SYNE1: variants seen among roughly 807,000 people sequenced by gnomAD.
SYNE1 encodes nesprin-1.
Under a neutral mutation model 1,111.0 loss-of-function variants are expected in SYNE1, and 616 were observed. The observed-to-expected ratio is 0.55, with a 90% CI of 0.52 to 0.59. SYNE1 has a LOEUF of 0.59. SYNE1 is among the 20% of genes least tolerant of loss of function. SYNE1 has a pLI of 0.00. For missense variants in SYNE1, 10,006 were observed against 10,417.0 expected (o/e 0.96, Z 1.72); for synonymous variants, 3,855 against 3,825.8 (o/e 1.01, Z -0.28).
chr6:152,136,536 A>T, intron 141 of SYNE1, 82 bp downstream of exon 141: 1 of 1,561,444 alleles, frequency 6.4e-7, no homozygotes, highest in Non-Finnish European at 8.7e-7. Context: ...TCCCTCTAGA[A>T]ACCATGATAC....
intron 145 of SYNE1, chr6:152,129,456 G>C (rs1374975913): frequency 2.0e-5 from 3 of 152,022 alleles, no homozygotes; most frequent in Non-Finnish European, 4.4e-5. Flanking sequence ...TACTTATAGG[G>C]GGCTGAGCAA....
chr6:152,274,075 T>C (rs2093412991), intron 98 of SYNE1, among the ~76,000 whole-genome samples: 1 of 152,196 alleles, frequency 6.6e-6, no homozygotes, highest in South Asian at 2.1e-4. Context: ...CCACTGAAAA[T>C]AGAAGAAAGC....
intron 127 of SYNE1, among the ~76,000 whole-genome samples, chr6:152,189,713 A>C (rs1240479638): frequency 6.6e-6 from 1 of 152,250 alleles, no homozygotes; most frequent in Non-Finnish European, 1.5e-5. Flanking sequence ...CAATGTACAT[A>C]CCTTAATTTA....
chr6:152,216,151 T>A (rs186015127), intron 121 of SYNE1, among the ~76,000 whole-genome samples: 14 of 152,222 alleles, frequency 9.2e-5, no homozygotes, highest in Middle Eastern at 3.2e-3. Flanking sequence ...AAAAGACTCA[T>A]GTTTTTTGAA....
intron 19 of SYNE1, among the ~76,000 whole-genome samples, 175 bp downstream of exon 19, chr6:152,463,178 C>G (rs1179733328): frequency 6.6e-6 from 1 of 152,104 alleles, no homozygotes; most frequent in Admixed American, 6.6e-5. Context: ...TGTAATATTC[C>G]TCCATTATAC....
chr6:152,156,168 T>A, intron 131 of SYNE1, 71 bp from the exon 132 acceptor site: 1 of 1,493,168 alleles, frequency 6.7e-7, no homozygotes, highest in South Asian at 1.1e-5. Flanking sequence ...AAGCAACCTA[T>A]GTTGGTAAAT....
At chr6:152,234,989 C>T (rs1000311773) in intron 110 of SYNE1, among the ~76,000 whole-genome samples, 189 bp from the exon 111 acceptor site, 16 of 152,222 alleles carry the variant, frequency 1.1e-4, no homozygotes, top group South Asian at 2.1e-4. Flanking sequence ...TCTGGGTTTC[C>T]GCTGGCCTGT....
chr6:152,403,084 C>A lies in SYNE1; in HGVS notation c.6825+1129G>T, dbSNP rs551564979. ...AGATTGATTGCTTAGCCCAAAGTAGCAAATCAAAGAGAAAGCACAAGAAGA... is the reference window on the plus strand; with the variant it reads ...AGATTGATTGCTTAGCCCAAAGTAGAAAATCAAAGAGAAAGCACAAGAAGA... On this transcript the variant is annotated intron_variant, in intron 46 of 145. Transcript: ENST00000367255. 2.0e-5 allele frequency among the ~76,000 whole-genome samples: 3 copies of A among 152,044 alleles called. No individual in the cohort carries two copies. The South Asian group carries it at 6.3e-4, about 32-fold the overall frequency.
At chr6:152,351,566 T>C (rs2154035041) in intron 70 of SYNE1, among the ~76,000 whole-genome samples, 1 of 152,352 alleles carries the variant, frequency 6.6e-6, no homozygotes, top group Middle Eastern at 3.4e-3. Flanking sequence ...CTAAGGAACT[T>C]AGCTCGAGTT....
Position 152,376,571 on chromosome 6 carries a change from C to A in SYNE1, c.9147-13G>T, listed in dbSNP as rs214955. ...TTGCAAACAAAGACTGAAAAGGTGA[C>A]GCAAAAATTTAATGGCAGGAAAAAG... is the stretch of plus-strand genomic sequence containing the variant. On this transcript the variant is annotated splice_polypyrimidine_tract_variant and intron_variant, in intron 57 of 145. Transcript: ENST00000367255. The A allele has an allele frequency of 3.7e-6, 6 of 1,612,750 alleles. No homozygotes were observed. Among genetic ancestry groups the A allele is most frequent in the South Asian group, 1.1e-5 (1 of 91,048 alleles).
intron 3 of SYNE1, among the ~76,000 whole-genome samples, chr6:152,624,594 T>C (rs2099682268): frequency 6.6e-6 from 1 of 152,200 alleles, no homozygotes; most frequent in African/African-American, 2.4e-5. Flanking sequence ...AATACCCCTT[T>C]ATTATACTAT....
intron 127 of SYNE1, among the ~76,000 whole-genome samples, chr6:152,196,173 G>A (rs1254249424): frequency 2.6e-5 from 4 of 152,100 alleles, no homozygotes; most frequent in Non-Finnish European, 5.9e-5. Context: ...CCCTTCAGGG[G>A]AGTGGGCTCC....
At chr6:152,368,893 C>T (rs2097130423) in intron 61 of SYNE1, 79 bp downstream of exon 61, 26 of 1,595,518 alleles carry the variant, frequency 1.6e-5, no homozygotes, top group Non-Finnish European at 2.2e-5. Context: ...GGATGCAATG[C>T]ACACCCTGCA....
chr6:152,591,623 C>T (rs983726191), intron 3 of SYNE1, among the ~76,000 whole-genome samples: 1 of 152,056 alleles, frequency 6.6e-6, no homozygotes, highest in Non-Finnish European at 1.5e-5. Flanking sequence ...GGCTCAGTTC[C>T]CAAAAGCAAT....
Position 152,488,522 on chromosome 6 carries a change from T to A in SYNE1, c.940-19A>T. On this transcript the variant is annotated intron_variant, in intron 11 of 145. Coordinates refer to ENST00000367255, the MANE Select transcript of SYNE1 (RefSeq NM_182961.4). ...CTTCTCTCTGGAAATGAGGAGACAT[T>A]ACAATTTTATTAGTATCTGTGCATT... 7.8e-7 allele frequency: 1 copy of A among 1,280,164 alleles called. No individual in the cohort carries two copies. Among genetic ancestry groups the A allele is most frequent in the African/African-American group, 1.5e-5 (1 of 68,694 alleles). 79.3% of individuals were successfully genotyped at this position (1,280,164 alleles called of 1,614,324 possible).
chr6:152,171,017 G>A (rs1047416607), intron 130 of SYNE1, among the ~76,000 whole-genome samples: 14 of 152,182 alleles, frequency 9.2e-5, no homozygotes, highest in African/African-American at 2.7e-4. Context: ...CTGCCACCAT[G>A]TAAGATGTGC....
Position 152,353,678 on chromosome 6 carries a change from T to A in SYNE1, c.10993A>T (p.Ile3665Leu). 2 of 1,614,174 alleles carry A rather than the reference T, an allele frequency of 1.2e-6. 1 individual carries two copies. Among genetic ancestry groups the A allele is most frequent in the South Asian group, 2.2e-5 (2 of 91,088 alleles). ...CTGTTCACGTGGCTCTCGTCCAGTA[T>A]CTCCTGAGCTCTAGCTCCCACTTCC... is the stretch of plus-strand genomic sequence containing the variant. Reference protein sequence around the residue: ...VEEVGARAQEILDESHVNSRM... With the variant: ...VEEVGARAQELLDESHVNSRM... Residue 3665 changes from isoleucine (I) to leucine (L), a missense_variant, in exon 68 of 146, where the codon ATA becomes TTA. By Grantham distance (5) the Ile-to-Leu change is conservative (BLOSUM62 2). This residue lies in a region of SYNE1 where 4,955 missense variants were observed against 5,017.2 expected (regional missense o/e 0.99). Transcript: ENST00000367255.
At chr6:152,292,905 T>C (rs1216786920) in intron 95 of SYNE1, among the ~76,000 whole-genome samples, 1 of 152,200 alleles carries the variant, frequency 6.6e-6, no homozygotes, top group Admixed American at 6.5e-5. Flanking sequence ...ACAAAATAAA[T>C]ATAATTTTAA....
intron 131 of SYNE1, among the ~76,000 whole-genome samples, chr6:152,162,231 A>G (rs1157162428): frequency 6.6e-6 from 1 of 152,192 alleles, no homozygotes; most frequent in Non-Finnish European, 1.5e-5. Flanking sequence ...GCCTTCTTCG[A>G]ACTCTGTGGC....
Sources: gnomAD v4.1 joint callset for allele counts (sites outside exome capture counted in the v4.1 genomes callset) on GRCh38, gnomAD v4.1.1 for gene constraint, gnomAD v4.1.1 regional missense constraint, MANE v1.5 for transcripts, NCBI Gene and HGNC (gene_info 2026-07-23, HGNC 2026-07-21) for gene names.